Variants in DNAAF11 observed in about 807,000 individuals in gnomAD.
DNAAF11 encodes dynein axonemal assembly factor 11.
In DNAAF11, 45 loss-of-function variants were observed where a neutral mutation model predicts 60.8. The ratio of observed to expected loss-of-function variants is 0.74; its 90% CI spans 0.58 to 0.95. The LOEUF is 0.95. DNAAF11 is among the 40% of genes least tolerant of loss of function. The pLI, the probability that DNAAF11 is intolerant of heterozygous loss-of-function variation, is 0.00. For synonymous variants in DNAAF11, 191 were observed against 183.5 expected (o/e 1.04, Z -0.33); for missense variants, 546 against 546.2 (o/e 1.00, Z 0.00).
chr8:132,659,826 C>CG (rs1586722954), intron 2 of DNAAF11, among the ~76,000 whole-genome samples: 2 of 152,092 alleles, frequency 1.3e-5, no homozygotes, highest in East Asian at 3.9e-4. Flanking sequence ...TTCTTTCTTG[C>CG]GGGGGGTGGG....
intron 8 of DNAAF11, among the ~76,000 whole-genome samples, chr8:132,613,422 C>T (rs1818852073): frequency 6.6e-6 from 1 of 152,112 alleles, no homozygotes; most frequent in African/African-American, 2.4e-5. Context: ...GTGAAAGAAG[C>T]CAGACACAAA....
intron 7 of DNAAF11, among the ~76,000 whole-genome samples, chr8:132,615,926 G>A (rs1819103712): frequency 6.6e-6 from 1 of 152,136 alleles, no homozygotes; most frequent in African/African-American, 2.4e-5. Flanking sequence ...AGATTTGGCT[G>A]TTCGCCCCAT....
At chr8:132,678,178 T>C (rs561422306), upstream of DNAAF11, among the ~76,000 whole-genome samples, 1 of 152,326 alleles carries the variant, frequency 6.6e-6, no homozygotes, top group Admixed American at 6.5e-5. Context: ...GGCACTGAAA[T>C]GTGACAGCAG....
At position 132,609,670 on chromosome 8, in the gene DNAAF11, C is replaced by T. The variant is rs187501473; in HGVS notation, c.1140+496G>A. On this transcript the variant is annotated intron_variant, in intron 10 of 11. Coordinates refer to ENST00000620350, the MANE Select transcript of DNAAF11 (RefSeq NM_012472.6). ...GAACATGAAAGTATGCTGCCCAAGTCACTGCTAGTGCACATCTTATGGAAG... is the reference window on the plus strand; with the variant it reads ...GAACATGAAAGTATGCTGCCCAAGTTACTGCTAGTGCACATCTTATGGAAG... 1.1e-3 allele frequency among the ~76,000 whole-genome samples: 161 copies of T among 152,268 alleles called. 1 individual carries two copies. Among genetic ancestry groups the T allele is most frequent in the African/African-American group, 3.6e-3 (151 of 41,570 alleles).
intron 3 of DNAAF11, among the ~76,000 whole-genome samples, chr8:132,641,095 A>AAGTAG (rs1821807061): frequency 6.6e-6 from 1 of 152,208 alleles, no homozygotes; most frequent in Non-Finnish European, 1.5e-5. Context: ...ATGTCATCTA[A>AAGTAG]TAAATATAAA....
the DNAAF11 span, among the ~76,000 whole-genome samples, chr8:132,690,804 T>G: frequency 1.3e-5 from 2 of 152,262 alleles, no homozygotes; most frequent in East Asian, 3.9e-4. Context: ...TGTCCTTCAG[T>G]TGGGATTGAC....
the DNAAF11 span, among the ~76,000 whole-genome samples, chr8:132,686,759 T>C: frequency 3.3e-5 from 5 of 152,172 alleles, no homozygotes; most frequent in African/African-American, 1.2e-4. Context: ...AGCCTCCTAC[T>C]TTCTTGCTGA....
chr8:132,641,539 A>G (rs981858930), intron 3 of DNAAF11, among the ~76,000 whole-genome samples: 1 of 152,180 alleles, frequency 6.6e-6, no homozygotes, highest in Non-Finnish European at 1.5e-5. Context: ...TGGGAGGAGG[A>G]AGAGAGGGAA....
the DNAAF11 span, among the ~76,000 whole-genome samples, chr8:132,699,813 T>C: frequency 6.6e-6 from 1 of 152,104 alleles, no homozygotes; most frequent in Non-Finnish European, 1.5e-5. Flanking sequence ...CGGATAAACA[T>C]ACAAACATTA....
intron 3 of DNAAF11, among the ~76,000 whole-genome samples, chr8:132,646,251 A>C (rs1822370046): frequency 6.6e-6 from 1 of 152,188 alleles, no homozygotes; most frequent in African/African-American, 2.4e-5. Flanking sequence ...TCATAAGTGA[A>C]GGAGAAATAA....
intron 1 of DNAAF11, among the ~76,000 whole-genome samples, chr8:132,667,361 G>T (rs1314720019): frequency 1.3e-5 from 2 of 152,138 alleles, no homozygotes; most frequent in African/African-American, 4.8e-5. Context: ...CCTTAGCACA[G>T]TGCCTGGTAT....
intron 11 of DNAAF11, among the ~76,000 whole-genome samples, chr8:132,579,848 T>C (rs1172471750): frequency 6.6e-6 from 1 of 151,900 alleles, no homozygotes; most frequent in Non-Finnish European, 1.5e-5. Context: ...TACCAAAAAA[T>C]TAGCTGGGCG....
chr8:132,698,944 A>G, the DNAAF11 span, among the ~76,000 whole-genome samples: 3 of 142,520 alleles, frequency 2.1e-5, no homozygotes, highest in African/African-American at 8.2e-5. Flanking sequence ...ATACATATAT[A>G]TATATATATA....
At chr8:132,687,566 C>T in the DNAAF11 span, 23 of 455,710 alleles carry the variant, frequency 5.0e-5, no homozygotes, top group Admixed American at 5.2e-4. Context: ...GGCGGACCCA[C>T]ACCTTCGTTG....
chr8:132,639,630 C>T (rs1246077036), intron 3 of DNAAF11, among the ~76,000 whole-genome samples: 4 of 152,100 alleles, frequency 2.6e-5, no homozygotes, highest in East Asian at 3.9e-4. Flanking sequence ...GTGTTCTCTC[C>T]GTGTTCCTAG....
intron 4 of DNAAF11, 59 bp from the exon 5 acceptor site, chr8:132,633,022 C>G: frequency 8.7e-7 from 1 of 1,155,748 alleles, no homozygotes; most frequent in Non-Finnish European, 1.3e-6. Context: ...TGAATCAGCC[C>G]CAGGTTGATT....
intron 3 of DNAAF11, among the ~76,000 whole-genome samples, chr8:132,650,514 C>A (rs993114019): frequency 1.3e-5 from 2 of 151,590 alleles, no homozygotes; most frequent in Non-Finnish European, 2.9e-5. Context: ...ACTTAAAGTA[C>A]AATAAAAAAT....
intron 1 of DNAAF11, among the ~76,000 whole-genome samples, chr8:132,663,737 T>C (rs900484192): frequency 1.3e-5 from 2 of 152,068 alleles, no homozygotes; most frequent in African/African-American, 4.8e-5. Flanking sequence ...GAAGGAACAA[T>C]GGGATTCTCT....
upstream of DNAAF11, among the ~76,000 whole-genome samples, chr8:132,676,704 G>T (rs751031668): frequency 2.9e-4 from 44 of 152,296 alleles, no homozygotes; most frequent in Admixed American, 6.5e-4. Flanking sequence ...GTGAGGTGAT[G>T]GGGGGAAGCA....
Sources: gnomAD v4.1 joint callset for allele counts (sites outside exome capture counted in the v4.1 genomes callset) on GRCh38, gnomAD v4.1.1 for gene constraint, MANE v1.5 for transcripts, NCBI Gene and HGNC (gene_info 2026-07-23, HGNC 2026-07-21) for gene names.